Variants in MYH13 observed in about 807,000 individuals in gnomAD.
The protein encoded by MYH13 is myosin heavy chain 13.
MYH13 carries 177 observed loss-of-function variants against 232.1 expected under a neutral mutation model. That is an observed-to-expected ratio of 0.76 (90% CI 0.67 to 0.86). MYH13 has a LOEUF of 0.86. MYH13 is among the 40% of genes least tolerant of loss of function. The pLI is 0.00. For missense variants in MYH13, 2,246 were observed against 2,405.9 expected (o/e 0.93, Z 1.39); for synonymous variants, 884 against 923.5 (o/e 0.96, Z 0.78).
chr17:10,331,389 T>A (rs1344782460), intron 20 of MYH13, among the ~76,000 whole-genome samples: 1 of 152,164 alleles, frequency 6.6e-6, no homozygotes, highest in Non-Finnish European at 1.5e-5. Context: ...AAGCTGACCT[T>A]TGCCACTTAC....
At chr17:10,367,951 A>T (rs2071849514) in intron 2 of MYH13, among the ~76,000 whole-genome samples, 1 of 152,238 alleles carries the variant, frequency 6.6e-6, no homozygotes, top group African/African-American at 2.4e-5. Flanking sequence ...GGCTAGTTGC[A>T]ATGCGGAATC....
rs1339624633 is a variant in MYH13, at chr17:10,343,801, T to C, written c.1893A>G (p.Thr631=). ...GGGAAAGAAATGATAGAATTTTACC[T>C]GTCTCTGCACCAGCATAGTTGGAAA... The part of the protein sequence containing the change: ...FLFSNYAGAE[T]GDSGGSKKGG... The change falls in exon 16 of 41, where the codon ACA becomes ACG. Residue 631 remains threonine, a splice_region_variant and synonymous_variant. Coordinates refer to ENST00000252172, the MANE Select transcript of MYH13 (RefSeq NM_003802.3). 58 of 1,587,066 alleles carry C rather than the reference T, an allele frequency of 3.7e-5. No individual in the cohort carries two copies. The highest frequency in any genetic ancestry group is 5.0e-5 in the Non-Finnish European group (58 of 1,165,424).
intron 11 of MYH13, among the ~76,000 whole-genome samples, chr17:10,353,690 C>G (rs2071726938): frequency 6.6e-6 from 1 of 151,936 alleles, no homozygotes; most frequent in African/African-American, 2.4e-5. Context: ...CATGGCGAAA[C>G]CCCAATTCTA....
intron 23 of MYH13, among the ~76,000 whole-genome samples, chr17:10,323,812 A>G (rs1390334551): frequency 7.3e-5 from 11 of 149,672 alleles, no homozygotes; most frequent in African/African-American, 2.5e-4. Flanking sequence ...GAAGAAGAAG[A>G]AGAAGAAGAA....
Position 10,350,555 on chromosome 17 carries a change from C to A in MYH13, c.1144+1G>T, listed in dbSNP as rs2071700784. 6.2e-7 allele frequency: 1 copy of A among 1,611,770 alleles called. No individual in the cohort carries two copies. The highest frequency in any genetic ancestry group is 1.1e-5 in the South Asian group (1 of 90,936). ...CGCATCCCTTTCCCAGATGCAGTTA[C>A]CTTCGGTGCCGTCTGGCTCCGCCTG... On this transcript the variant is annotated splice_donor_variant, in intron 12 of 40. Transcript: ENST00000252172. LOFTEE classifies it high-confidence loss of function.
At chr17:10,320,761 C>T (rs899102180) in intron 24 of MYH13, among the ~76,000 whole-genome samples, 13 of 152,218 alleles carry the variant, frequency 8.5e-5, no homozygotes, top group Non-Finnish European at 1.8e-4. Context: ...CTGGCCCAGA[C>T]TATGTTCCCT....
chr17:10,303,447 CT>C lies in MYH13; in HGVS notation c.5517del (p.Ala1840ProfsTer2). The C allele has an allele frequency of 6.2e-7, 1 of 1,613,966 alleles. No homozygotes were observed. The highest frequency in any genetic ancestry group is 8.5e-7 in the Non-Finnish European group (1 of 1,179,886). On this transcript the variant is annotated frameshift_variant, in exon 38 of 41. Coordinates refer to ENST00000252172, the MANE Select transcript of MYH13 (RefSeq NM_003802.3). LOFTEE classifies it high-confidence loss of function. ...TCGTACTTGTGGGCTCCCTTCAGGG[CT>C]TCAGCTCCCCTCTTCTGTTCCACAT... Reference protein sequence around the residue: ...ELDVEQKRGAEALKGAHKYER... With the variant: ...ELDVEQKRGAXALKGAHKYER...
intron 18 of MYH13, among the ~76,000 whole-genome samples, chr17:10,338,147 T>G (rs1233603452): frequency 6.6e-6 from 1 of 152,126 alleles, no homozygotes; most frequent in African/African-American, 2.4e-5. Flanking sequence ...GGCCATCTGC[T>G]TAGAGAGGAG....
intron 18 of MYH13, among the ~76,000 whole-genome samples, chr17:10,336,077 G>A (rs2071573100): frequency 6.6e-6 from 1 of 152,096 alleles, no homozygotes; most frequent in Non-Finnish European, 1.5e-5. Context: ...GGGGCACTGG[G>A]GGAGACTGAG....
intron 8 of MYH13, among the ~76,000 whole-genome samples, chr17:10,356,399 G>A (rs1346807285): frequency 6.6e-6 from 1 of 152,214 alleles, no homozygotes. Context: ...AAGAGTAGAG[G>A]CCCATGAACT....
Position 10,311,943 on chromosome 17 carries a change from T to C in MYH13, c.4499A>G (p.Glu1500Gly). ...NAYEEVVDQL[E>G]TLRRENKNLQ... ...ATTTTTGTTCTCTCGCCTCAGTGTCTCTAACTGGTCCACCACCTCCTCATA... is the reference window on the plus strand; with the variant it reads ...ATTTTTGTTCTCTCGCCTCAGTGTCCCTAACTGGTCCACCACCTCCTCATA... The change falls in exon 32 of 41, where the codon GAG becomes GGG. Residue 1500 changes from glutamate to glycine, a missense_variant. Transcript: ENST00000252172. 1 of 1,613,990 alleles carries C rather than the reference T, an allele frequency of 6.2e-7. No individual in the cohort carries two copies. Among genetic ancestry groups the C allele is most frequent in the South Asian group, 1.1e-5 (1 of 91,086 alleles).
chr17:10,363,438 A>G (rs1055205105), intron 3 of MYH13, among the ~76,000 whole-genome samples: 1 of 152,194 alleles, frequency 6.6e-6, no homozygotes, highest in African/African-American at 2.4e-5. Flanking sequence ...AAAAGATAAA[A>G]GGAAGGAGTT....
rs77469384 is a variant in MYH13, at chr17:10,355,177, G to A, written c.739-30C>T. The A allele has an allele frequency of 1.1e-3, 1,634 of 1,553,102 alleles. 19 individuals carry two copies. In the African/African-American group the frequency reaches 0.019, roughly 18 times the overall value. On this transcript the variant is annotated intron_variant, in intron 8 of 40. Transcript: ENST00000252172. The stretch of plus-strand genomic sequence containing the variant: ...CCAATAACAGGTGGACAAATGTTAC[G>A]GTTATTTGATTTATATGGTTTTGTG...
At chr17:10,349,266 C>G (rs1467128448) in intron 12 of MYH13, among the ~76,000 whole-genome samples, 2 of 152,174 alleles carry the variant, frequency 1.3e-5, no homozygotes, top group Non-Finnish European at 2.9e-5. Flanking sequence ...TTATGCCCAG[C>G]TAATTTGTAT....
chr17:10,308,465 T>G (rs1906370914), intron 35 of MYH13, among the ~76,000 whole-genome samples: 1 of 55,146 alleles, frequency 1.8e-5, no homozygotes. Context: ...TTTTTTTTTT[T>G]GTAGAGACAA....
At chr17:10,358,117 A>T (rs1423612354) in intron 7 of MYH13, among the ~76,000 whole-genome samples, 4 of 152,194 alleles carry the variant, frequency 2.6e-5, no homozygotes, top group Admixed American at 2.6e-4. Context: ...TGCCTTTCTG[A>T]TAACATTTCA....
Position 10,347,712 on chromosome 17 carries a change from CTTTTTT to C in MYH13, c.1145-920_1145-915del, listed in dbSNP as rs71139041. 1.8e-4 allele frequency among the ~76,000 whole-genome samples: 16 copies of C among 86,726 alleles called. No individual in the cohort carries two copies. The East Asian group carries it at 4.9e-3, about 27-fold the overall frequency. The allele number at this position is 86,726 out of a possible 152,430, so 56.9% of individuals were successfully genotyped here. On this transcript the variant is annotated intron_variant, in intron 12 of 40. Transcript: ENST00000252172. Reference sequence around the variant, plus strand: ...AAATGCTGCTCCCCAGGGACTACTTCTTTTTTTTTTTTTTTTTTTTTTTGGAGACAG... The same window carrying C: ...AAATGCTGCTCCCCAGGGACTACTTCTTTTTTTTTTTTTTTTTGGAGACAG...
At position 10,324,587 on chromosome 17, in the gene MYH13, G is replaced by A. The variant is rs1375097923; in HGVS notation, c.2692-323C>T. ...AGCCTCCCGAGTTGCTGGGATTACA[G>A]GCATGTGCTACCATGCCTGGCTAAT... On this transcript the variant is annotated intron_variant, in intron 22 of 40. Coordinates refer to ENST00000252172, the MANE Select transcript of MYH13 (RefSeq NM_003802.3). Among the ~76,000 whole-genome samples the A allele has an allele frequency of 4.6e-5, 7 of 151,196 alleles. No homozygotes were observed. The East Asian group carries it at 1.4e-3, about 30-fold the overall frequency.
intron 39 of MYH13, among the ~76,000 whole-genome samples, chr17:10,301,950 T>C (rs1205546089): frequency 1.3e-5 from 2 of 152,176 alleles, no homozygotes; most frequent in African/African-American, 4.8e-5. Context: ...CCCTTGAATC[T>C]CTTCTATATG....
Sources: gnomAD v4.1 joint callset for allele counts (sites outside exome capture counted in the v4.1 genomes callset) on GRCh38, gnomAD v4.1.1 for gene constraint, MANE v1.5 for transcripts, NCBI Gene and HGNC (gene_info 2026-07-23, HGNC 2026-07-21) for gene names.